Variants in PTPN22 observed in about 807,000 individuals in gnomAD.
The protein encoded by PTPN22 is protein tyrosine phosphatase non-receptor type 22.
Under a neutral mutation model 103.3 loss-of-function variants are expected in PTPN22, and 85 were observed. That is an observed-to-expected ratio of 0.82 (90% CI 0.69 to 0.99). The LOEUF (loss-of-function observed/expected upper bound fraction) is 0.99, where lower values mean the gene tolerates loss of function less well. PTPN22 is among the 50% of genes least tolerant of loss of function. The pLI is 0.00. For missense variants in PTPN22, 865 were observed against 936.9 expected (o/e 0.92, Z 1.00); for synonymous variants, 323 against 310.2 (o/e 1.04, Z -0.43).
chr1:113,830,719 T>C (rs1026655823), intron 16 of PTPN22, among the ~76,000 whole-genome samples: 3 of 152,190 alleles, frequency 2.0e-5, no homozygotes, highest in Admixed American at 6.5e-5. Context: ...AAATTTTCCA[T>C]GATGAAGATT....
At chr1:113,828,486 C>T (rs1321613967) in intron 18 of PTPN22, among the ~76,000 whole-genome samples, 3 of 151,896 alleles carry the variant, frequency 2.0e-5, no homozygotes, top group African/African-American at 4.8e-5. Context: ...TTATTTGATC[C>T]AACAACAGTT....
chr1:113,862,973 G>A (rs1266302832), intron 1 of PTPN22, among the ~76,000 whole-genome samples: 2 of 152,214 alleles, frequency 1.3e-5, no homozygotes, highest in Non-Finnish European at 2.9e-5. Flanking sequence ...AGTTTCCAGT[G>A]CAATAGTGGG....
intron 12 of PTPN22, 36 bp downstream of exon 12, chr1:113,838,508 A>G (rs766663039): frequency 3.1e-6 from 5 of 1,605,888 alleles, no homozygotes; most frequent in Non-Finnish European, 8.5e-7. Flanking sequence ...CCCAGACACA[A>G]TTAGTCAACA....
At chr1:113,855,567 C>T (rs1157245859) in intron 7 of PTPN22, among the ~76,000 whole-genome samples, 1 of 147,066 alleles carries the variant, frequency 6.8e-6, no homozygotes, top group Admixed American at 6.7e-5. Context: ...AATAAGACAA[C>T]TTGTGGTTAG....
At chr1:113,860,071 T>C (rs1353225820) in intron 1 of PTPN22, among the ~76,000 whole-genome samples, 2 of 151,490 alleles carry the variant, frequency 1.3e-5, no homozygotes, top group African/African-American at 2.4e-5. Flanking sequence ...AGGTGATTCT[T>C]CCACCTCAGC....
At chr1:113,818,612 C>G (rs1367439777) in intron 20 of PTPN22, among the ~76,000 whole-genome samples, 2 of 152,208 alleles carry the variant, frequency 1.3e-5, no homozygotes, top group African/African-American at 2.4e-5. Context: ...TCCCCATCCA[C>G]CAATATCTTC....
chr1:113,822,922 T>G (rs1438025305), intron 19 of PTPN22, among the ~76,000 whole-genome samples: 1 of 152,142 alleles, frequency 6.6e-6, no homozygotes, highest in Admixed American at 6.5e-5. Flanking sequence ...TCGCATCATT[T>G]CACTCCAGCC....
chr1:113,855,782 G>A (rs1434062466), intron 7 of PTPN22, among the ~76,000 whole-genome samples: 1 of 152,160 alleles, frequency 6.6e-6, no homozygotes, highest in African/African-American at 2.4e-5. Context: ...TATGAAAATA[G>A]TTCAAACCAG....
chr1:113,815,168 C>T (rs903473139), intron 20 of PTPN22, among the ~76,000 whole-genome samples, 199 bp from the exon 21 acceptor site: 2 of 151,934 alleles, frequency 1.3e-5, no homozygotes, highest in Non-Finnish European at 2.9e-5. Context: ...ATACTAATAA[C>T]ACTTTAAATT....
At chr1:113,839,729 G>A (rs947487008) in intron 11 of PTPN22, among the ~76,000 whole-genome samples, 4 of 152,074 alleles carry the variant, frequency 2.6e-5, no homozygotes, top group African/African-American at 9.7e-5. Context: ...CAACATGATA[G>A]AGGCCATATA....
At chr1:113,858,004 T>A (rs1212857536) in intron 4 of PTPN22, 1 of 346,666 alleles carries the variant, frequency 2.9e-6, no homozygotes, top group Non-Finnish European at 5.2e-6. Context: ...TGTTACCAAA[T>A]GAGCCTGTCA....
At chr1:113,847,091 A>G (rs1184831327) in intron 11 of PTPN22, among the ~76,000 whole-genome samples, 2 of 109,530 alleles carry the variant, frequency 1.8e-5, no homozygotes, top group Non-Finnish European at 3.6e-5. Context: ...GGCAATTTCT[A>G]TTGTTCTACT....
At chr1:113,814,115 T>A (rs530668660) in exon 21 of PTPN22, 1 of 152,340 alleles carries the variant, frequency 6.6e-6, no homozygotes. Flanking sequence ...CATATTCATA[T>A]AGAAATTCAT....
chr1:113,853,371 G>GA (rs1664739756), intron 9 of PTPN22, among the ~76,000 whole-genome samples: 2 of 39,854 alleles, frequency 5.0e-5, no homozygotes, highest in African/African-American at 1.7e-4. Context: ...TTTTTTTTTT[G>GA]AGGACTTTCA....
chr1:113,855,305 G>A (rs1384797171), intron 7 of PTPN22, among the ~76,000 whole-genome samples: 2 of 151,996 alleles, frequency 1.3e-5, no homozygotes, highest in Non-Finnish European at 2.9e-5. Flanking sequence ...GACCAACCTG[G>A]CCAACATGGG....
In PTPN22 at chr1:113,856,475, T is replaced by C. The variant is rs780025972; in HGVS notation, c.481-34A>G. 12 of 1,612,856 alleles carry C rather than the reference T, an allele frequency of 7.4e-6. No individual in the cohort carries two copies. In the Admixed American group the frequency reaches 1.0e-4, roughly 14 times the overall value. On this transcript the variant is annotated intron_variant, in intron 6 of 20. Coordinates refer to ENST00000359785, the Ensembl canonical transcript of PTPN22. ...AAAAAGAAGACTCAAGTATTAGTGA[T>C]TGCAAAGACAAGCTCTCTATAAGGT...
Position 113,858,587 on chromosome 1 carries a change from G to C in PTPN22, c.274-14C>G. On this transcript the variant is annotated splice_polypyrimidine_tract_variant and intron_variant, in intron 3 of 20. Coordinates refer to ENST00000359785, the Ensembl canonical transcript of PTPN22. ...TCCATAAACTCCCTAAAGGGGAACA[G>C]AAATTACACGGGGTGACTACAAATA... 1 of 1,473,156 alleles carries C rather than the reference G, an allele frequency of 6.8e-7. No homozygotes were observed. Among genetic ancestry groups the C allele is most frequent in the Non-Finnish European group, 9.3e-7 (1 of 1,071,814 alleles). The allele number at this position is 1,473,156 out of a possible 1,614,324, so 91.3% of individuals were successfully genotyped here.
chr1:113,827,533 A>C (rs1244488593), intron 18 of PTPN22, among the ~76,000 whole-genome samples: 3 of 152,180 alleles, frequency 2.0e-5, no homozygotes, highest in Admixed American at 6.5e-5. Context: ...ATTTGTATGG[A>C]TATAACATGA....
At chr1:113,840,940 T>A (rs538073779) in intron 11 of PTPN22, among the ~76,000 whole-genome samples, 27 of 152,332 alleles carry the variant, frequency 1.8e-4, no homozygotes, top group African/African-American at 6.5e-4. Context: ...AGAATGAAGT[T>A]GAGGCTGGGT....
Sources: gnomAD v4.1 joint callset for allele counts (sites outside exome capture counted in the v4.1 genomes callset) on GRCh38, gnomAD v4.1.1 for gene constraint, MANE v1.5 for transcripts, NCBI Gene and HGNC (gene_info 2026-07-23, HGNC 2026-07-21) for gene names.